Variants in RHBDD1 observed in about 807,000 individuals in gnomAD.
RHBDD1 encodes the protein rhomboid domain containing 1.
In RHBDD1, 38 loss-of-function variants were observed where a neutral mutation model predicts 36.3. The ratio of observed to expected loss-of-function variants is 1.05; its 90% CI spans 0.81 to 1.37. The LOEUF (loss-of-function observed/expected upper bound fraction) is 1.37, where lower values mean the gene tolerates loss of function less well. Among genes scored for constraint, RHBDD1 ranks in the 40% most tolerant of loss-of-function variants. The pLI, the probability that RHBDD1 is intolerant of heterozygous loss-of-function variation, is 0.00. For missense variants in RHBDD1, 393 were observed against 377.6 expected, an observed-to-expected ratio of 1.04 and a Z score of -0.34; for synonymous variants, 151 against 136.5, an observed-to-expected ratio of 1.11 and a Z score of -0.74.
At chr2:226,880,520 G>A (rs1000260836) in intron 5 of RHBDD1, among the ~76,000 whole-genome samples, 1 of 152,134 alleles carries the variant, frequency 6.6e-6, no homozygotes, top group Non-Finnish European at 1.5e-5. Flanking sequence ...TGAGCCAAGG[G>A]ACTTTCCCTC....
At chr2:226,936,405 C>T (rs1215495652) in intron 8 of RHBDD1, among the ~76,000 whole-genome samples, 1 of 151,958 alleles carries the variant, frequency 6.6e-6, no homozygotes, top group African/African-American at 2.4e-5. Flanking sequence ...GAAGCCCAGC[C>T]ATTGCTTTAA....
chr2:226,861,731 T>C (rs1226778708), intron 3 of RHBDD1, among the ~76,000 whole-genome samples: 1 of 152,248 alleles, frequency 6.6e-6, no homozygotes, highest in African/African-American at 2.4e-5. Flanking sequence ...TGTGTGTGTG[T>C]GTGGGCACAC....
chr2:226,801,695 G>C, the RHBDD1 span, among the ~76,000 whole-genome samples: 3 of 152,208 alleles, frequency 2.0e-5, no homozygotes, highest in African/African-American at 7.2e-5. Flanking sequence ...AAATGGAAGC[G>C]AGGCGGCACT....
chr2:226,966,799 A>G (rs1488801801), intron 8 of RHBDD1, among the ~76,000 whole-genome samples: 1 of 151,746 alleles, frequency 6.6e-6, no homozygotes, highest in East Asian at 1.9e-4. Flanking sequence ...CTGAATAGCC[A>G]GCTGAGACTA....
intron 8 of RHBDD1, among the ~76,000 whole-genome samples, chr2:226,969,582 C>T (rs1953050085): frequency 6.6e-6 from 1 of 152,066 alleles, no homozygotes; most frequent in African/African-American, 2.4e-5. Context: ...TTGACTCCGT[C>T]ACCAAAGAAA....
the RHBDD1 span, among the ~76,000 whole-genome samples, chr2:226,801,377 A>G: frequency 6.6e-6 from 1 of 152,174 alleles, no homozygotes; most frequent in Non-Finnish European, 1.5e-5. Context: ...AGCGTAGTAA[A>G]AAAAGAAAAA....
intron 8 of RHBDD1, among the ~76,000 whole-genome samples, chr2:226,969,862 A>T (rs1222657253): frequency 6.6e-6 from 1 of 152,144 alleles, no homozygotes; most frequent in Non-Finnish European, 1.5e-5. Flanking sequence ...TTTTATTTAA[A>T]CACACTGTAT....
At chr2:226,819,698 G>T in the RHBDD1 span, among the ~76,000 whole-genome samples, 3 of 152,268 alleles carry the variant, frequency 2.0e-5, no homozygotes, top group East Asian at 5.8e-4. Flanking sequence ...AACAGCCCAA[G>T]AATATTCAAT....
At chr2:226,895,564 G>A (rs1274156779) in intron 5 of RHBDD1, 1 of 491,376 alleles carries the variant, frequency 2.0e-6, no homozygotes, top group Non-Finnish European at 2.6e-6. Context: ...TAACCTCTGT[G>A]CCCAATTAAG....
chr2:226,956,587 C>T (rs1248210454), intron 8 of RHBDD1, among the ~76,000 whole-genome samples: 1 of 152,152 alleles, frequency 6.6e-6, no homozygotes, highest in Non-Finnish European at 1.5e-5. Flanking sequence ...ATCTTTTGTA[C>T]TCTGACATCT....
At chr2:226,853,762 A>C (rs1012429910) in intron 3 of RHBDD1, among the ~76,000 whole-genome samples, 6 of 152,202 alleles carry the variant, frequency 3.9e-5, no homozygotes, top group African/African-American at 1.2e-4. Context: ...GTGACTGCCC[A>C]TCTGTGGGAA....
At chr2:226,944,586 AT>A (rs1255119216) in intron 8 of RHBDD1, among the ~76,000 whole-genome samples, 1 of 152,222 alleles carries the variant, frequency 6.6e-6, no homozygotes, top group Admixed American at 6.5e-5. Context: ...ACTTAAAAAA[AT>A]ACAGTGAAAA....
intron 8 of RHBDD1, among the ~76,000 whole-genome samples, chr2:226,930,763 T>G (rs901030792): frequency 2.0e-5 from 3 of 151,766 alleles, no homozygotes; most frequent in Non-Finnish European, 4.4e-5. Context: ...ATATCCAGAA[T>G]CTACAATGAA....
At chr2:226,896,777 C>T (rs1024854845) in intron 5 of RHBDD1, among the ~76,000 whole-genome samples, 3 of 119,146 alleles carry the variant, frequency 2.5e-5, no homozygotes, top group East Asian at 4.1e-4. Context: ...CACCCTGTGC[C>T]CATATTTCTT....
intron 3 of RHBDD1, among the ~76,000 whole-genome samples, chr2:226,843,330 G>T (rs925207895): frequency 6.6e-6 from 1 of 152,160 alleles, no homozygotes; most frequent in African/African-American, 2.4e-5. Context: ...GTGGGAGAGG[G>T]CATCCTTGTC....
At chr2:226,965,418 C>G (rs1442620577) in intron 8 of RHBDD1, among the ~76,000 whole-genome samples, 1 of 152,064 alleles carries the variant, frequency 6.6e-6, no homozygotes, top group Non-Finnish European at 1.5e-5. Context: ...TATAGCAACC[C>G]TAGGAAACTG....
chr2:226,902,772 A>G (rs1385288983), intron 5 of RHBDD1, among the ~76,000 whole-genome samples: 1 of 152,226 alleles, frequency 6.6e-6, no homozygotes, highest in African/African-American at 2.4e-5. Context: ...AGGATGACGC[A>G]ATGAGTTCTC....
chr2:226,925,190 T>A (rs1199465970), intron 8 of RHBDD1, among the ~76,000 whole-genome samples: 1 of 152,250 alleles, frequency 6.6e-6, no homozygotes, highest in African/African-American at 2.4e-5. Flanking sequence ...ATTGGAAATG[T>A]ATAATCAAGA....
intron 5 of RHBDD1, among the ~76,000 whole-genome samples, chr2:226,879,485 A>C (rs1454193387): frequency 6.6e-6 from 1 of 152,224 alleles, no homozygotes; most frequent in East Asian, 1.9e-4. Context: ...ATGTGTGCTC[A>C]CAGATTTAGA....
Sources: gnomAD v4.1 joint callset for allele counts (sites outside exome capture counted in the v4.1 genomes callset) on GRCh38, gnomAD v4.1.1 for gene constraint, MANE v1.5 for transcripts, NCBI Gene and HGNC (gene_info 2026-07-23, HGNC 2026-07-21) for gene names.